Variants in PSMD4 observed in about 807,000 individuals in gnomAD.
The protein encoded by PSMD4 is proteasome 26S subunit ubiquitin receptor, non-ATPase 4, also known as 26S proteasome non-ATPase regulatory subunit 4.
PSMD4 carries 5 observed loss-of-function variants against 39.7 expected under a neutral mutation model. The ratio of observed to expected loss-of-function variants is 0.13; its 90% CI spans 0.07 to 0.26. PSMD4 has a LOEUF of 0.26. Among genes scored for constraint, PSMD4 ranks in the 10% least tolerant of loss-of-function variants. PSMD4 has a pLI of 1.00. For synonymous variants in PSMD4, 143 were observed against 174.6 expected, an observed-to-expected ratio of 0.82 and a Z score of 1.43; for missense variants, 272 against 486.1, an observed-to-expected ratio of 0.56 and a Z score of 4.14.
chr1:151,267,370 T>G lies in PSMD4; in HGVS notation c.*27T>G, dbSNP rs185955158. ...ACTGGAGGGAAAGGGTAGCTGAGTC[T>G]GCTTAGGGGACTGCATGGGAAGCAC... is the stretch of plus-strand genomic sequence containing the variant. On this transcript the variant is annotated 3_prime_UTR_variant, in exon 10 of 10. Transcript: ENST00000368884. 2 of 1,608,888 alleles carry G rather than the reference T, an allele frequency of 1.2e-6. No homozygotes were observed. The highest frequency in any genetic ancestry group is 1.3e-5 in the African/African-American group (1 of 74,916).
At position 151,265,221 on chromosome 1, in the gene PSMD4, A is replaced by C; in HGVS notation, c.425A>C (p.Asn142Thr). Reference sequence around the variant, plus strand: ...GAGAAAGTAAATGTTGACATTATCAATTTTGGGGAAGAGGTGAGTAGGGAC... The same window carrying C: ...GAGAAAGTAAATGTTGACATTATCACTTTTGGGGAAGAGGTGAGTAGGGAC... Reference protein sequence around the residue: ...KKEKVNVDIINFGEEEVNTEK... With the variant: ...KKEKVNVDIITFGEEEVNTEK... Residue 142 changes from asparagine (N) to threonine (T), a missense_variant, in exon 5 of 10, where the codon AAT (asparagine) becomes ACT (threonine). Physicochemically the swap from Asn to Thr is moderately conservative, Grantham distance 65. Coordinates refer to ENST00000368884, the MANE Select transcript of PSMD4 (RefSeq NM_002810.4). 6.2e-7 allele frequency: 1 copy of C among 1,613,564 alleles called. No individual in the cohort carries two copies. Among genetic ancestry groups the C allele is most frequent in the Non-Finnish European group, 8.5e-7 (1 of 1,179,732 alleles).
At chr1:151,266,684 T>C in intron 9 of PSMD4, 97 bp downstream of exon 9, 1 of 1,400,996 alleles carries the variant, frequency 7.1e-7, no homozygotes, top group Non-Finnish European at 9.9e-7. Context: ...CTAAGTCCTT[T>C]GAGGAGCAGA....
intron 1 of PSMD4, among the ~76,000 whole-genome samples, chr1:151,259,882 A>T (rs1466446887): frequency 6.6e-6 from 1 of 151,820 alleles, no homozygotes; most frequent in Non-Finnish European, 1.5e-5. Context: ...TGCCCAGCCT[A>T]AAAAATAGAT....
chr1:151,262,063 A>G (rs947701550), intron 1 of PSMD4, 98 bp from the exon 2 acceptor site: 28 of 1,344,832 alleles, frequency 2.1e-5, no homozygotes, highest in Middle Eastern at 2.6e-4. Context: ...AGGTGATGCT[A>G]TGAAGACTGC....
rs587738758 is a variant in PSMD4, at chr1:151,264,109, C to T, written c.282+81C>T. On this transcript the variant is annotated intron_variant, in intron 3 of 9. Coordinates refer to ENST00000368884, the MANE Select transcript of PSMD4 (RefSeq NM_002810.4). ...ATCATACTCATTTCTCCCCTGGAAT[C>T]CTGAGCTAGGACCAGAGCAAGAGAA... The T allele has an allele frequency of 2.7e-4, 306 of 1,116,626 alleles. 11 individuals carry two copies. The South Asian group carries it at 4.2e-3, about 15-fold the overall frequency. 69.2% of individuals were successfully genotyped at this position (1,116,626 alleles called of 1,614,324 possible). A position where few individuals can be genotyped will look rare whatever the true frequency, so the allele number is the denominator to read the frequency against.
At chr1:151,264,066 C>T (rs1186304378) in intron 3 of PSMD4, 38 bp downstream of exon 3, 3 of 1,414,142 alleles carry the variant, frequency 2.1e-6, no homozygotes, top group African/African-American at 2.9e-5. Flanking sequence ...TTCCTCCCTG[C>T]TCTGAGGTCC....
chr1:151,259,986 G>A (rs1693277589), intron 1 of PSMD4, among the ~76,000 whole-genome samples: 1 of 151,996 alleles, frequency 6.6e-6, no homozygotes, highest in South Asian at 2.1e-4. Flanking sequence ...ATCACCTGAG[G>A]TTGGGAGTTT....
chr1:151,258,940 G>A (rs1380826023), intron 1 of PSMD4: 1 of 152,170 alleles, frequency 6.6e-6, no homozygotes, highest in Non-Finnish European at 1.5e-5. Flanking sequence ...ATGGCCAGGT[G>A]CGGTGGCTTA....
intron 4 of PSMD4, 67 bp downstream of exon 4, chr1:151,264,985 A>G: frequency 1.4e-6 from 2 of 1,460,398 alleles, no homozygotes; most frequent in Non-Finnish European, 1.9e-6. Flanking sequence ...TCCAGCCCTC[A>G]GGAGAACCTG....
At position 151,265,127 on chromosome 1, in the gene PSMD4, A is replaced by G. The variant is rs587624965; in HGVS notation, c.370-39A>G. On this transcript the variant is annotated intron_variant, in intron 4 of 9. Coordinates refer to ENST00000368884, the MANE Select transcript of PSMD4 (RefSeq NM_002810.4). ...GGCGGGTCCTTTCCCCCCCTCGAGTATGGAACAGATTTCTTGATTTTTCTC... is the reference window on the plus strand; with the variant it reads ...GGCGGGTCCTTTCCCCCCCTCGAGTGTGGAACAGATTTCTTGATTTTTCTC... 8.9e-5 allele frequency: 139 copies of G among 1,563,536 alleles called. No homozygotes were observed. The South Asian group carries it at 1.4e-3, about 15-fold the overall frequency.
At chr1:151,261,089 C>A (rs1430662341) in intron 1 of PSMD4, among the ~76,000 whole-genome samples, 1 of 151,658 alleles carries the variant, frequency 6.6e-6, no homozygotes, top group African/African-American at 2.4e-5. Context: ...TCAGGTGATA[C>A]ACCCGCCTCC....
chr1:151,265,187 C>T lies in PSMD4; in HGVS notation c.391C>T (p.Leu131Phe). Residue 131 changes from leucine (L) to phenylalanine (F), a missense_variant, in exon 5 of 10, where the codon CTC becomes TTC. By Grantham distance (22) the Leu-to-Phe change is conservative. Coordinates refer to ENST00000368884, the MANE Select transcript of PSMD4 (RefSeq NM_002810.4). Reference protein sequence around the residue: ...EKDLVKLAKRLKKEKVNVDII... With the variant: ...EKDLVKLAKRFKKEKVNVDII... ...CCAGCTGGTGAAACTGGCTAAACGC[C>T]TCAAGAAGGAGAAAGTAAATGTTGA... The T allele has an allele frequency of 6.2e-7, 1 of 1,613,500 alleles. No individual in the cohort carries two copies. The highest frequency in any genetic ancestry group is 8.5e-7 in the Non-Finnish European group (1 of 1,179,816).
At chr1:151,256,321 G>T (rs1693163999) in intron 1 of PSMD4, among the ~76,000 whole-genome samples, 1 of 140,584 alleles carries the variant, frequency 7.1e-6, no homozygotes, top group African/African-American at 2.6e-5. Flanking sequence ...TCTAGCCTGG[G>T]CGACAGAGTG....
At chr1:151,256,574 G>A (rs1424185271) in intron 1 of PSMD4, among the ~76,000 whole-genome samples, 3 of 150,022 alleles carry the variant, frequency 2.0e-5, no homozygotes, top group African/African-American at 7.3e-5. Flanking sequence ...GAGTAACTGG[G>A]ATTACAGGTG....
At chr1:151,254,834 G>T in intron 1 of PSMD4, 26 bp downstream of exon 1, 2 of 1,495,970 alleles carry the variant, frequency 1.3e-6, no homozygotes, top group East Asian at 5.5e-5. Context: ...GGGGCAGGAG[G>T]GGCAGAGCTG....
At chr1:151,264,255 A>G (rs587726891) in intron 3 of PSMD4, among the ~76,000 whole-genome samples, 1 of 151,700 alleles carries the variant, frequency 6.6e-6, no homozygotes, top group South Asian at 2.1e-4. Flanking sequence ...CTGTAATCCC[A>G]TCACTTTGGG....
intron 1 of PSMD4, among the ~76,000 whole-genome samples, chr1:151,257,715 C>CTTTTTTTTTTTTTTT (rs71090149): frequency 2.3e-5 from 2 of 88,718 alleles, no homozygotes; most frequent in African/African-American, 4.7e-5. Context: ...ACCTGGCTTT[C>CTTTTTTTTTTTTTTT]TTTTTTTTTT....
intron 3 of PSMD4, among the ~76,000 whole-genome samples, chr1:151,264,620 AAAAG>A (rs1040548816): frequency 6.6e-6 from 1 of 152,106 alleles, no homozygotes; most frequent in Admixed American, 6.6e-5. Context: ...CAAAAAAAAA[AAAAG>A]AGAGAAAGAG....
At chr1:151,261,110 G>A (rs1418986251) in intron 1 of PSMD4, among the ~76,000 whole-genome samples, 1 of 151,220 alleles carries the variant, frequency 6.6e-6, no homozygotes, top group Non-Finnish European at 1.5e-5. Context: ...ACCTCCCAAA[G>A]TGCTGGGATG....
Sources: allele counts gnomAD v4.1 joint callset (sites outside exome capture counted in the v4.1 genomes callset), GRCh38; gene constraint gnomAD v4.1.1; transcripts MANE v1.5; gene names NCBI Gene and HGNC (gene_info 2026-07-23, HGNC 2026-07-21).